The following CCDC102B variants were observed in gnomAD, a reference collection of about 807,000 sequenced individuals.
CCDC102B encodes the protein coiled-coil domain containing 102B, also known as coiled-coil domain-containing protein 102B.
Under a neutral mutation model 57.4 loss-of-function variants are expected in CCDC102B, and 75 were observed. The observed-to-expected ratio is 1.31, with a 90% CI of 1.08 to 1.58. The LOEUF is 1.58. CCDC102B is among the 40% of genes most tolerant of loss of function. The pLI is 0.00. For synonymous variants in CCDC102B, 206 were observed against 201.9 expected (o/e 1.02, Z -0.17); for missense variants, 636 against 582.6 (o/e 1.09, Z -0.94).
chr18:68,721,762 T>C (rs2032343262), intron 2 of CCDC102B, among the ~76,000 whole-genome samples: 1 of 152,206 alleles, frequency 6.6e-6, no homozygotes, highest in Non-Finnish European at 1.5e-5. Flanking sequence ...TTCTAGAAGC[T>C]AGCAAAATTA....
intron 6 of CCDC102B, among the ~76,000 whole-genome samples, chr18:68,911,412 C>A (rs2040841081): frequency 4.6e-5 from 7 of 152,008 alleles, no homozygotes; most frequent in Admixed American, 4.6e-4. Flanking sequence ...TATGGAAGAA[C>A]AACAGACACG....
At position 68,786,434 on chromosome 18, in the gene CCDC102B, C is replaced by T. The variant is rs1212525963; in HGVS notation, c.-66-36932C>T. Among the ~76,000 whole-genome samples, 14 of 135,844 alleles carry T rather than the reference C, an allele frequency of 1.0e-4. No homozygotes were observed. The South Asian group carries it at 3.1e-3, about 30-fold the overall frequency. The allele number at this position is 135,844 out of a possible 152,430, so 89.1% of individuals were successfully genotyped here. On this transcript the variant is annotated intron_variant, in intron 2 of 3. Coordinates refer to the CCDC102B transcript ENST00000578970. ...ACCTTGGGCAGTATGGCCATTTTCA[C>T]GATATTGATTCTTCCTACCCATGAG...
chr18:68,740,567 G>T (rs895643474), intron 2 of CCDC102B, among the ~76,000 whole-genome samples: 1 of 152,128 alleles, frequency 6.6e-6, no homozygotes, highest in South Asian at 2.1e-4. Flanking sequence ...ATAGGGTGTT[G>T]GCAAACACTT....
intron 6 of CCDC102B, among the ~76,000 whole-genome samples, chr18:69,001,492 GA>G (rs35354723): frequency 0.86 from 125,276 of 146,368 alleles, 55,155 homozygotes; most frequent in Non-Finnish European, 0.97. Flanking sequence ...GGACAAAAGG[GA>G]AAAAAAAAAA....
chr18:68,780,401 C>T (rs1401581163), intron 2 of CCDC102B, among the ~76,000 whole-genome samples: 1 of 151,234 alleles, frequency 6.6e-6, no homozygotes, highest in Non-Finnish European at 1.5e-5. Flanking sequence ...TTTTCCAAAG[C>T]AGCTGCACCA....
chr18:68,904,636 T>A (rs1385694935), intron 6 of CCDC102B, among the ~76,000 whole-genome samples: 2 of 152,152 alleles, frequency 1.3e-5, no homozygotes, highest in Non-Finnish European at 2.9e-5. Flanking sequence ...GCAAAAGTAG[T>A]ATGACATTTA....
chr18:68,761,720 T>C (rs1335457750), intron 2 of CCDC102B, among the ~76,000 whole-genome samples: 1 of 152,140 alleles, frequency 6.6e-6, no homozygotes, highest in Admixed American at 6.6e-5. Flanking sequence ...TTTTTATAAG[T>C]GTTTTAAAAG....
In CCDC102B at chr18:68,836,853, G is replaced by A. The variant is rs759689412; in HGVS notation, c.90G>A (p.Val30=). ...CAATTAAGTCACGCGGCGACATGGT[G>A]GCACCTGCCTCACCCCCCAGGGATA... ...QSSIKSRGDM[V]APASPPRDTC... The change falls in exon 2 of 8, where the codon GTG becomes GTA. Residue 30 remains valine, a synonymous_variant. Coordinates refer to ENST00000360242, the MANE Select transcript of CCDC102B (RefSeq NM_024781.3). 20 of 1,613,886 alleles carry A rather than the reference G, an allele frequency of 1.2e-5. No individual in the cohort carries two copies. The highest frequency in any genetic ancestry group is 1.6e-5 in the Non-Finnish European group (19 of 1,180,002).
intron 1 of CCDC102B, among the ~76,000 whole-genome samples, chr18:68,835,320 C>T (rs1221548484): frequency 6.6e-6 from 1 of 152,130 alleles, no homozygotes; most frequent in Non-Finnish European, 1.5e-5. Context: ...ATAGTCATAA[C>T]TTCTTCAGTA....
At chr18:69,000,730 A>G (rs1323472360) in intron 6 of CCDC102B, among the ~76,000 whole-genome samples, 1 of 152,208 alleles carries the variant, frequency 6.6e-6, no homozygotes, top group Non-Finnish European at 1.5e-5. Flanking sequence ...AATGACCCTC[A>G]GAGATACTTA....
intron 2 of CCDC102B, among the ~76,000 whole-genome samples, chr18:68,771,947 C>A (rs1332229452): frequency 1.3e-5 from 2 of 151,266 alleles, no homozygotes; most frequent in Admixed American, 6.6e-5. Flanking sequence ...CTTATCTGGT[C>A]AGAGTCTCTT....
intron 2 of CCDC102B, among the ~76,000 whole-genome samples, chr18:68,781,429 G>A (rs937235790): frequency 1.3e-5 from 2 of 152,048 alleles, no homozygotes; most frequent in Non-Finnish European, 2.9e-5. Context: ...TTTCCAAAGT[G>A]CTCCTTAGAG....
chr18:68,870,998 A>G (rs992530494), intron 4 of CCDC102B, among the ~76,000 whole-genome samples: 2 of 152,104 alleles, frequency 1.3e-5, no homozygotes, highest in Non-Finnish European at 1.5e-5. Context: ...TTTCCATTCC[A>G]TGCTTATCTG....
intron 2 of CCDC102B, among the ~76,000 whole-genome samples, chr18:68,737,225 T>A (rs778765291): frequency 3.9e-5 from 6 of 152,080 alleles, no homozygotes; most frequent in Non-Finnish European, 5.9e-5. Flanking sequence ...AAAGTATTCT[T>A]GACAGTCCCT....
intron 7 of CCDC102B, 61 bp from the exon 8 acceptor site, chr18:69,053,969 C>A (rs932396437): frequency 9.4e-6 from 12 of 1,276,202 alleles, no homozygotes; most frequent in Non-Finnish European, 1.2e-5. Flanking sequence ...TTTACTATAG[C>A]CACCATGATG....
rs902715116 is a variant in CCDC102B, at chr18:69,049,024, G to A, written c.1435-5006G>A. Reference sequence around the variant, plus strand: ...ATTCCTGTATGTTACCATCATCAAAGGTTTTAAGATTTTCTTTCTTTTTTT... The same window carrying A: ...ATTCCTGTATGTTACCATCATCAAAAGTTTTAAGATTTTCTTTCTTTTTTT... On this transcript the variant is annotated intron_variant, in intron 7 of 7. Transcript: ENST00000360242. Among the ~76,000 whole-genome samples, 3 of 151,520 alleles carry A rather than the reference G, an allele frequency of 2.0e-5. No homozygotes were observed. The South Asian group carries it at 6.2e-4, about 32-fold the overall frequency.
intron 6 of CCDC102B, among the ~76,000 whole-genome samples, chr18:68,924,613 T>G (rs1015802747): frequency 1.3e-5 from 2 of 152,030 alleles, no homozygotes; most frequent in East Asian, 1.9e-4. Context: ...TCAACAAAAG[T>G]GCAACATTGA....
chr18:68,743,204 AAAATAAAT>A (rs149028636), intron 2 of CCDC102B, among the ~76,000 whole-genome samples: 33,818 of 142,294 alleles, frequency 0.24, 4,717 homozygotes, highest in African/African-American at 0.4. Flanking sequence ...CATCTCAACA[AAAATAAAT>A]AAATAAATAA....
chr18:69,001,097 CTTTT>C (rs2051189278), intron 6 of CCDC102B, among the ~76,000 whole-genome samples: 1 of 152,128 alleles, frequency 6.6e-6, no homozygotes, highest in African/African-American at 2.4e-5. Flanking sequence ...CTCTTTCTTT[CTTTT>C]GATCTTGGCA....
Sources: allele counts gnomAD v4.1 joint callset (sites outside exome capture counted in the v4.1 genomes callset), GRCh38; gene constraint gnomAD v4.1.1; transcripts MANE v1.5; gene names NCBI Gene and HGNC (gene_info 2026-07-23, HGNC 2026-07-21).